VDR: variants seen among roughly 807,000 people sequenced by gnomAD.
VDR encodes vitamin D3 receptor.
Under a neutral mutation model 39.7 loss-of-function variants are expected in VDR, and 19 were observed. That is an observed-to-expected ratio of 0.48 (90% CI 0.33 to 0.70). The LOEUF (loss-of-function observed/expected upper bound fraction) is 0.70. Among genes scored for constraint, VDR ranks in the 30% least tolerant of loss-of-function variants. VDR has a pLI of 0.02. For synonymous variants in VDR, 242 were observed against 215.8 expected (o/e 1.12, Z -1.07); for missense variants, 442 against 570.5 (o/e 0.77, Z 2.29).
In VDR at chr12:47,842,956, A is replaced by G. The variant is rs1312830094; in HGVS notation, c.*1790T>C. ...CAAGGGTCTCTCCCTAGACCCTTGT[A>G]AAATAACAACAGCAATAATAATTAA... On this transcript the variant is annotated 3_prime_UTR_variant, in exon 10 of 10. Coordinates refer to ENST00000549336, the MANE Select transcript of VDR (RefSeq NM_000376.3). 1.3e-5 allele frequency: 2 copies of G among 152,172 alleles called. No homozygotes were observed. The highest frequency in any genetic ancestry group is 3.8e-4 in the East Asian group (2 of 5,204). The allele number at this position is 152,172 out of a possible 1,614,324, so 9.4% of individuals were successfully genotyped here.
intron 1 of VDR, among the ~76,000 whole-genome samples, chr12:47,887,102 A>G (rs1946269755): frequency 6.6e-6 from 1 of 152,136 alleles, no homozygotes; most frequent in Non-Finnish European, 1.5e-5. Context: ...ACTTGAGGTC[A>G]GGAGTTCGAG....
intron 7 of VDR, among the ~76,000 whole-genome samples, chr12:47,853,667 A>AT (rs1285041846): frequency 6.6e-6 from 1 of 152,118 alleles, no homozygotes; most frequent in Non-Finnish European, 1.5e-5. Context: ...AGGCAGGAGA[A>AT]TTGCTTGAAC....
chr12:47,871,235 G>A (rs1041418128), intron 3 of VDR, among the ~76,000 whole-genome samples: 10 of 152,286 alleles, frequency 6.6e-5, no homozygotes, highest in East Asian at 3.9e-4. Flanking sequence ...GCCAAAGACC[G>A]AACCTAAATG....
At chr12:47,859,917 CTTTCTTTTT>C (rs1565615383) in intron 4 of VDR, among the ~76,000 whole-genome samples, 1 of 46,638 alleles carries the variant, frequency 2.1e-5, no homozygotes, top group Non-Finnish European at 4.0e-5. Flanking sequence ...TTCCTTCCTT[CTTTCTTTTT>C]CTTTCTTTCT....
intron 1 of VDR, among the ~76,000 whole-genome samples, chr12:47,891,440 T>C (rs1414796026): frequency 2.0e-5 from 3 of 151,986 alleles, no homozygotes; most frequent in Non-Finnish European, 4.4e-5. Context: ...CCGAGAGAGG[T>C]GCTGTGAAGG....
At chr12:47,902,949 C>A (rs557364310) in intron 1 of VDR, among the ~76,000 whole-genome samples, 1 of 152,136 alleles carries the variant, frequency 6.6e-6, no homozygotes. Context: ...CCTCTCGGAG[C>A]TTCCTCTGGG....
chr12:47,873,390 T>A, intron 3 of VDR, among the ~76,000 whole-genome samples: 1 of 114,562 alleles, frequency 8.7e-6, no homozygotes, highest in Admixed American at 1.0e-4. Context: ...TGAGACGGAG[T>A]CTCGCTGTCG....
At chr12:47,868,196 T>C (rs1945776676) in intron 3 of VDR, among the ~76,000 whole-genome samples, 1 of 152,242 alleles carries the variant, frequency 6.6e-6, no homozygotes, top group South Asian at 2.1e-4. Flanking sequence ...TCAGTGAAGT[T>C]GATGCCCCAA....
chr12:47,904,584 A>C, intron 1 of VDR: 1 of 1,535,540 alleles, frequency 6.5e-7, no homozygotes, highest in Non-Finnish European at 8.7e-7. Flanking sequence ...AGCAGTTCTG[A>C]GCACCATCGA....
At chr12:47,898,932 C>G (rs1204074677) in intron 1 of VDR, among the ~76,000 whole-genome samples, 2 of 152,014 alleles carry the variant, frequency 1.3e-5, no homozygotes, top group Non-Finnish European at 1.5e-5. Flanking sequence ...TGGGGAGAGG[C>G]AGAGGGGGCT....
At chr12:47,882,623 G>GGCCCCGGGGGCCCCCCC in intron 2 of VDR, 71 bp downstream of exon 2, 1 of 543,280 alleles carries the variant, frequency 1.8e-6, no homozygotes, top group Non-Finnish European at 3.2e-6. Context: ...ACCTTCTTAT[G>GGCCCCGGGGGCCCCCCC]CCCCTCCCCC....
At chr12:47,891,148 C>T (rs1344144483) in intron 1 of VDR, among the ~76,000 whole-genome samples, 1 of 152,214 alleles carries the variant, frequency 6.6e-6, no homozygotes, top group East Asian at 1.9e-4. Flanking sequence ...GATCAGACCC[C>T]TTGCCTTTGT....
At chr12:47,857,716 G>A (rs1373855327) in intron 4 of VDR, 28 bp from the exon 5 acceptor site, 3 of 1,607,754 alleles carry the variant, frequency 1.9e-6, no homozygotes, top group Non-Finnish European at 2.6e-6. Context: ...GAGTCAGGAG[G>A]GCTGGCCAGC....
intron 5 of VDR, 91 bp from the exon 6 acceptor site, chr12:47,857,340 G>A: frequency 6.2e-7 from 1 of 1,609,918 alleles, no homozygotes; most frequent in Non-Finnish European, 8.5e-7. Flanking sequence ...TTTGAGGAAG[G>A]TCTACAGGAA....
intron 1 of VDR, among the ~76,000 whole-genome samples, chr12:47,903,546 C>A (rs1946607904): frequency 1.3e-5 from 2 of 152,232 alleles, no homozygotes; most frequent in African/African-American, 2.4e-5. Flanking sequence ...TCTCAACACA[C>A]AACACTCTTA....
rs11574057 is a variant in VDR, at chr12:47,877,599, G to A, written c.146+1369C>T. Among the ~76,000 whole-genome samples, 477 of 152,210 alleles carry A rather than the reference G, an allele frequency of 3.1e-3. 4 individuals carry two copies. Among genetic ancestry groups the A allele is most frequent in the African/African-American group, 0.011 (454 of 41,538 alleles). ...ATGGGTTTCATGGTAGTAAGCAGGC[G>A]CTGAGGTGTGCGTTAGATTCCCCTC... On this transcript the variant is annotated intron_variant, in intron 3 of 9. Transcript: ENST00000549336.
intron 3 of VDR, among the ~76,000 whole-genome samples, chr12:47,868,774 T>A (rs940736407): frequency 3.5e-5 from 5 of 143,886 alleles, no homozygotes; most frequent in African/African-American, 1.3e-4. Flanking sequence ...CCTTTTTTTT[T>A]TTTTTGTTTT....
chr12:47,898,682 C>T (rs1231834430), intron 1 of VDR: 2 of 155,158 alleles, frequency 1.3e-5, no homozygotes, highest in Non-Finnish European at 2.9e-5. Context: ...TTCTACACAG[C>T]AGTGCAAACT....
intron 1 of VDR, among the ~76,000 whole-genome samples, chr12:47,903,162 C>A (rs1041508161): frequency 6.6e-6 from 1 of 152,202 alleles, no homozygotes; most frequent in African/African-American, 2.4e-5. Flanking sequence ...TTTCTTACCC[C>A]ATTTTCTAGT....
Sources: allele counts gnomAD v4.1 joint callset (sites outside exome capture counted in the v4.1 genomes callset), GRCh38; gene constraint gnomAD v4.1.1; transcripts MANE v1.5; gene names NCBI Gene and HGNC (gene_info 2026-07-23, HGNC 2026-07-21).